Variants in DACH1 observed in about 807,000 individuals in gnomAD.
DACH1 encodes the protein dachshund family transcription factor 1, also known as dachshund homolog 1.
DACH1 carries 12 observed loss-of-function variants against 54.2 expected under a neutral mutation model. That is an observed-to-expected ratio of 0.22 (90% CI 0.14 to 0.36). The LOEUF (loss-of-function observed/expected upper bound fraction) is 0.36. Among genes scored for constraint, DACH1 ranks in the 10% least tolerant of loss-of-function variants. The pLI, the probability that DACH1 is intolerant of heterozygous loss-of-function variation, is 1.00. For missense variants in DACH1, 805 were observed against 929.8 expected (o/e 0.87, Z 1.75); for synonymous variants, 386 against 366.2 (o/e 1.05, Z -0.62).
chr13:71,557,208 A>G (rs1425057146), intron 5 of DACH1, 50 bp from the exon 6 acceptor site: 14 of 1,542,232 alleles, frequency 9.1e-6, no homozygotes, highest in Middle Eastern at 1.7e-4. Context: ...AAAACACCAT[A>G]ACACACAAGG....
intron 1 of DACH1, among the ~76,000 whole-genome samples, chr13:71,817,347 C>T (rs768862296): frequency 1.1e-4 from 17 of 152,170 alleles, no homozygotes; most frequent in Admixed American, 2.0e-4. Context: ...GTACAACACT[C>T]TGGTTCTCTT....
chr13:71,656,179 G>A (rs1351163813), intron 2 of DACH1, among the ~76,000 whole-genome samples: 1 of 151,954 alleles, frequency 6.6e-6, no homozygotes, highest in Non-Finnish European at 1.5e-5. Flanking sequence ...TTTTACATTG[G>A]TAAACTACTT....
intron 1 of DACH1, among the ~76,000 whole-genome samples, chr13:71,709,313 C>A (rs911796569): frequency 2.6e-5 from 4 of 151,938 alleles, no homozygotes; most frequent in Non-Finnish European, 4.4e-5. Flanking sequence ...TTGCTCTTGG[C>A]AGTTTCAATT....
chr13:71,853,872 A>G (rs909293932), intron 1 of DACH1, among the ~76,000 whole-genome samples: 1 of 152,144 alleles, frequency 6.6e-6, no homozygotes. Flanking sequence ...AGCATCTGTC[A>G]TTCCTTTTTG....
At chr13:71,698,551 C>A (rs1440817933) in intron 1 of DACH1, among the ~76,000 whole-genome samples, 1 of 151,548 alleles carries the variant, frequency 6.6e-6, no homozygotes, top group Admixed American at 6.6e-5. Context: ...AGAGAATATG[C>A]AAAAATAAAA....
chr13:71,838,631 A>C (rs1235076109), intron 1 of DACH1, among the ~76,000 whole-genome samples: 4 of 152,206 alleles, frequency 2.6e-5, no homozygotes, highest in Non-Finnish European at 5.9e-5. Flanking sequence ...TTGAGTTAAA[A>C]AGCAATTTTG....
chr13:71,845,370 G>A (rs1206434360), intron 1 of DACH1, among the ~76,000 whole-genome samples: 1 of 152,086 alleles, frequency 6.6e-6, no homozygotes, highest in Non-Finnish European at 1.5e-5. Flanking sequence ...TGGAATATGA[G>A]GATGCCAAAT....
intron 1 of DACH1, among the ~76,000 whole-genome samples, chr13:71,850,632 G>A (rs1873595992): frequency 6.6e-6 from 1 of 152,132 alleles, no homozygotes; most frequent in Non-Finnish European, 1.5e-5. Context: ...AAAATGTTGA[G>A]GAGTAATACA....
At chr13:71,502,765 A>G (rs1223110730) in intron 6 of DACH1, among the ~76,000 whole-genome samples, 1 of 152,148 alleles carries the variant, frequency 6.6e-6, no homozygotes, top group East Asian at 1.9e-4. Context: ...CACCATAAGA[A>G]CCTTGTGTAG....
intron 7 of DACH1, among the ~76,000 whole-genome samples, chr13:71,488,463 A>G (rs1047597968): frequency 4.6e-5 from 7 of 152,190 alleles, no homozygotes; most frequent in Admixed American, 1.3e-4. Context: ...AAATCCGTGG[A>G]AAGTTTGGTA....
chr13:71,509,926 C>T (rs1156742086), intron 6 of DACH1, among the ~76,000 whole-genome samples: 1 of 152,060 alleles, frequency 6.6e-6, no homozygotes, highest in African/African-American at 2.4e-5. Flanking sequence ...TAATCTTGAG[C>T]TCATTCTAGT....
In DACH1 at chr13:71,760,034, C is replaced by A. The variant is rs1284216414; in HGVS notation, c.849-78124G>T. 3.9e-5 allele frequency among the ~76,000 whole-genome samples: 6 copies of A among 152,288 alleles called. No homozygotes were observed. In the East Asian group the frequency reaches 9.6e-4, roughly 24 times the overall value. On this transcript the variant is annotated intron_variant, in intron 1 of 10. Coordinates refer to ENST00000613252, the MANE Select transcript of DACH1 (RefSeq NM_080759.6). ...TCCATTGACTCATTTGCATTAATTTCTCCCATTATATCTGAAAATGGCTGA... is the reference window on the plus strand; with the variant it reads ...TCCATTGACTCATTTGCATTAATTTATCCCATTATATCTGAAAATGGCTGA...
intron 1 of DACH1, among the ~76,000 whole-genome samples, chr13:71,848,501 GT>G (rs1162349421): frequency 6.6e-6 from 1 of 151,570 alleles, no homozygotes; most frequent in Non-Finnish European, 1.5e-5. Context: ...TGGTAAGAGA[GT>G]TTTAAAAATT....
At chr13:71,657,456 A>C (rs544985753) in intron 2 of DACH1, among the ~76,000 whole-genome samples, 1 of 151,862 alleles carries the variant, frequency 6.6e-6, no homozygotes, top group African/African-American at 2.4e-5. Context: ...GCCAGTGATC[A>C]CACCACTGCA....
At chr13:71,766,535 A>G (rs544306844) in intron 1 of DACH1, among the ~76,000 whole-genome samples, 20 of 152,264 alleles carry the variant, frequency 1.3e-4, no homozygotes, top group Non-Finnish European at 2.1e-4. Context: ...TTCTCCCCAT[A>G]TAATTGTCTG....
intron 1 of DACH1, among the ~76,000 whole-genome samples, chr13:71,838,393 T>G (rs1020926057): frequency 6.6e-6 from 1 of 152,182 alleles, no homozygotes; most frequent in Non-Finnish European, 1.5e-5. Flanking sequence ...TGGTTTTGAT[T>G]ATAAGTGTGT....
intron 6 of DACH1, among the ~76,000 whole-genome samples, chr13:71,521,431 A>G (rs967517564): frequency 6.6e-6 from 1 of 152,074 alleles, no homozygotes; most frequent in Non-Finnish European, 1.5e-5. Context: ...ACATAGGTCT[A>G]AATCTCACTA....
At chr13:71,814,652 G>C (rs1887840414) in intron 1 of DACH1, among the ~76,000 whole-genome samples, 2 of 152,180 alleles carry the variant, frequency 1.3e-5, no homozygotes, top group African/African-American at 4.8e-5. Context: ...CTGAGCCTTT[G>C]AAAAGTGGAA....
chr13:71,735,079 C>A (rs538689702), intron 1 of DACH1, among the ~76,000 whole-genome samples: 1 of 148,354 alleles, frequency 6.7e-6, no homozygotes, highest in Non-Finnish European at 1.5e-5. Context: ...ATGGGATATA[C>A]GTATATGGGT....
Sources: gnomAD v4.1 joint callset for allele counts (sites outside exome capture counted in the v4.1 genomes callset) on GRCh38, gnomAD v4.1.1 for gene constraint, MANE v1.5 for transcripts, NCBI Gene and HGNC (gene_info 2026-07-23, HGNC 2026-07-21) for gene names.